TMEM132B: variants seen among roughly 807,000 people sequenced by gnomAD.
The protein encoded by TMEM132B is transmembrane protein 132B.
In TMEM132B, 18 loss-of-function variants were observed where a neutral mutation model predicts 90.8. That is an observed-to-expected ratio of 0.20 (90% CI 0.14 to 0.29). The LOEUF (loss-of-function observed/expected upper bound fraction) is 0.29. TMEM132B is among the 10% of genes least tolerant of loss of function. The pLI, the probability that TMEM132B is intolerant of heterozygous loss-of-function variation, is 1.00. For missense variants in TMEM132B, 1,096 were observed against 1,326.8 expected (o/e 0.83, Z 2.70); for synonymous variants, 504 against 523.3 (o/e 0.96, Z 0.50).
chr12:125,194,546 A>G (rs1216082092), intron 1 of TMEM132B, among the ~76,000 whole-genome samples: 1 of 152,040 alleles, frequency 6.6e-6, no homozygotes, highest in South Asian at 2.1e-4. Context: ...TGGCTCCCGG[A>G]GTCTGCGGCT....
chr12:125,610,816 T>C (rs370292559), intron 5 of TMEM132B, among the ~76,000 whole-genome samples: 1 of 152,184 alleles, frequency 6.6e-6, no homozygotes, highest in Admixed American at 6.5e-5. Flanking sequence ...ATTTCACATC[T>C]ATATTCATAG....
intron 2 of TMEM132B, among the ~76,000 whole-genome samples, chr12:125,385,708 A>G (rs1411544095): frequency 6.6e-6 from 1 of 152,242 alleles, no homozygotes; most frequent in South Asian, 2.1e-4. Flanking sequence ...TCTAAACAAC[A>G]GTCTAGTGAA....
chr12:125,388,115 A>T (rs1878898211), intron 2 of TMEM132B, among the ~76,000 whole-genome samples: 2 of 152,158 alleles, frequency 1.3e-5, no homozygotes, highest in Non-Finnish European at 2.9e-5. Context: ...CCTTTTCCAG[A>T]GGCATTTTGG....
At chr12:125,450,413 C>T (rs1881117900) in intron 3 of TMEM132B, among the ~76,000 whole-genome samples, 1 of 152,062 alleles carries the variant, frequency 6.6e-6, no homozygotes, top group African/African-American at 2.4e-5. Context: ...CCAAAATAGG[C>T]ACAGTAATGA....
intron 4 of TMEM132B, among the ~76,000 whole-genome samples, chr12:125,567,247 T>C (rs571098870): frequency 6.6e-6 from 1 of 152,310 alleles, no homozygotes; most frequent in South Asian, 2.1e-4. Context: ...CTTTTCTCAA[T>C]TTGTCTCACC....
chr12:125,283,125 C>A (rs1875246610), intron 1 of TMEM132B, among the ~76,000 whole-genome samples: 1 of 152,206 alleles, frequency 6.6e-6, no homozygotes, highest in African/African-American at 2.4e-5. Flanking sequence ...TTAGCTTTAA[C>A]ATGAGCCCCC....
intron 3 of TMEM132B, among the ~76,000 whole-genome samples, chr12:125,511,063 C>A (rs1882964495): frequency 6.6e-6 from 1 of 152,162 alleles, no homozygotes; most frequent in Non-Finnish European, 1.5e-5. Flanking sequence ...ACTTCCCATT[C>A]CCCCACTTAC....
chr12:125,225,238 C>T (rs1165528363), intron 1 of TMEM132B, among the ~76,000 whole-genome samples: 2 of 152,244 alleles, frequency 1.3e-5, no homozygotes, highest in African/African-American at 4.8e-5. Flanking sequence ...CTTCCCTGGG[C>T]TCCCAGAGTA....
At chr12:125,450,069 T>C (rs1881109716) in intron 3 of TMEM132B, among the ~76,000 whole-genome samples, 2 of 152,226 alleles carry the variant, frequency 1.3e-5, no homozygotes, top group African/African-American at 4.8e-5. Flanking sequence ...TATGTGGATT[T>C]GTACATGTTA....
At chr12:125,389,604 G>T (rs967399273) in intron 2 of TMEM132B, among the ~76,000 whole-genome samples, 4 of 152,076 alleles carry the variant, frequency 2.6e-5, no homozygotes, top group African/African-American at 4.8e-5. Flanking sequence ...TGATAATTAA[G>T]AGAGATACTA....
At chr12:125,239,287 C>T (rs1874010673) in intron 1 of TMEM132B, among the ~76,000 whole-genome samples, 1 of 152,098 alleles carries the variant, frequency 6.6e-6, no homozygotes, top group Admixed American at 6.5e-5. Context: ...CATATGTTCC[C>T]AAGGATAGGG....
intron 1 of TMEM132B, among the ~76,000 whole-genome samples, chr12:125,278,985 C>T (rs1457886343): frequency 6.6e-6 from 1 of 152,176 alleles, no homozygotes; most frequent in African/African-American, 2.4e-5. Context: ...AAATGGCTCC[C>T]TCTAGCCCGG....
intron 4 of TMEM132B, among the ~76,000 whole-genome samples, chr12:125,562,438 C>A (rs556605701): frequency 6.6e-6 from 1 of 152,364 alleles, no homozygotes; most frequent in Admixed American, 6.5e-5. Context: ...TTGGCATTCA[C>A]AACTTGGCTG....
intron 4 of TMEM132B, among the ~76,000 whole-genome samples, chr12:125,527,584 C>CCGTTTA (rs1397728893): frequency 7.1e-6 from 1 of 140,302 alleles, no homozygotes; most frequent in Non-Finnish European, 1.5e-5. Flanking sequence ...TTCCATCCAC[C>CCGTTTA]CGTTTACCCT....
intron 4 of TMEM132B, among the ~76,000 whole-genome samples, chr12:125,543,381 A>T (rs1185853932): frequency 6.6e-6 from 1 of 152,252 alleles, no homozygotes; most frequent in Non-Finnish European, 1.5e-5. Context: ...ATGTTGTCTA[A>T]CAACTATTTA....
At chr12:125,510,817 G>A (rs981185848) in intron 3 of TMEM132B, among the ~76,000 whole-genome samples, 1 of 152,038 alleles carries the variant, frequency 6.6e-6, no homozygotes, top group Admixed American at 6.6e-5. Flanking sequence ...TATTGCATAT[G>A]TTTCTAATTT....
chr12:125,210,720 T>G (rs1337385759), intron 1 of TMEM132B, among the ~76,000 whole-genome samples: 1 of 152,046 alleles, frequency 6.6e-6, no homozygotes, highest in Non-Finnish European at 1.5e-5. Context: ...TTCCAGCACT[T>G]TGGGAGGCCG....
chr12:125,407,745 G>T lies in TMEM132B; in HGVS notation c.960-7786G>T, dbSNP rs1402699973. On this transcript the variant is annotated intron_variant, in intron 2 of 8. Coordinates refer to ENST00000682704, the MANE Select transcript of TMEM132B (RefSeq NM_001366854.1). The surrounding 1 kb of genome is among the most constrained non-coding windows in gnomAD (Gnocchi z 6.7). ...GCGGACACCTGGTGGAGGTCTGGGG[G>T]AGAAACGCCTCTGTGTGTCTGGGGT... Among the ~76,000 whole-genome samples the T allele has an allele frequency of 1.3e-5, 2 of 152,176 alleles. No individual in the cohort carries two copies. The highest frequency in any genetic ancestry group is 4.8e-5 in the African/African-American group (2 of 41,454).
intron 1 of TMEM132B, among the ~76,000 whole-genome samples, chr12:125,280,642 C>T (rs562172366): frequency 6.6e-6 from 1 of 152,330 alleles, no homozygotes; most frequent in African/African-American, 2.4e-5. Flanking sequence ...GCTGCTGCTC[C>T]CCTACGCCGG....
Sources: allele counts gnomAD v4.1 joint callset (sites outside exome capture counted in the v4.1 genomes callset), GRCh38; gene constraint gnomAD v4.1.1; non-coding constraint Gnocchi (gnomAD v3.1); transcripts MANE v1.5; gene names NCBI Gene and HGNC (gene_info 2026-07-23, HGNC 2026-07-21).